The following IFI44L variants were observed in gnomAD, a reference collection of about 807,000 sequenced individuals.
IFI44L encodes the protein interferon induced protein 44 like.
Under a neutral mutation model 39.3 loss-of-function variants are expected in IFI44L, and 40 were observed. The ratio of observed to expected loss-of-function variants is 1.02; its 90% CI spans 0.79 to 1.33. The LOEUF (loss-of-function observed/expected upper bound fraction) is 1.33, where lower values mean the gene tolerates loss of function less well. IFI44L is among the 40% of genes most tolerant of loss of function. IFI44L has a pLI of 0.00. For synonymous variants in IFI44L, 198 were observed against 182.3 expected, an observed-to-expected ratio of 1.09 and a Z score of -0.69; for missense variants, 623 against 549.0, an observed-to-expected ratio of 1.13 and a Z score of -1.35.
Position 78,628,201 on chromosome 1 carries a change from A to G in IFI44L, c.286A>G (p.Ile96Val). Residue 96 changes from isoleucine (I) to valine (V), a missense_variant, in exon 2 of 9, where the codon ATA becomes GTA. Physicochemically the swap from Ile to Val is conservative, Grantham distance 29. Transcript: ENST00000370751. ...TCAAAAGAAAAATGACACCACTGAA[A>G]TAGAAACTTTACTCTTAAATACAGC... ...SLQKKNDTTEIETLLLNTAPK... is the reference protein window; with the variant it reads ...SLQKKNDTTEVETLLLNTAPK... The G allele has an allele frequency of 6.2e-7, 1 of 1,612,980 alleles. No homozygotes were observed. The highest frequency in any genetic ancestry group is 8.5e-7 in the Non-Finnish European group (1 of 1,179,516).
At position 78,637,098 on chromosome 1, in the gene IFI44L, A is replaced by G; in HGVS notation, c.943A>G (p.Arg315Gly). 1.9e-6 allele frequency: 3 copies of G among 1,611,752 alleles called. No homozygotes were observed. The highest frequency in any genetic ancestry group is 2.5e-6 in the Non-Finnish European group (3 of 1,178,146). Residue 315 changes from arginine (R) to glycine (G), a missense_variant, in exon 6 of 9, where the codon AGG becomes GGG. Coordinates refer to ENST00000370751, the MANE Select transcript of IFI44L (RefSeq NM_006820.4). ...TFITSPSLKD[R>G]IHCVAYVLDI... The stretch of plus-strand genomic sequence containing the variant: ...TATCACCTCTCCATCTCTGAAGGAC[A>G]GGATTCACTGTGTGGCTTATGTCTT...
chr1:78,628,537 C>T (rs776315513), intron 2 of IFI44L, 144 bp downstream of exon 2: 47 of 624,494 alleles, frequency 7.5e-5, no homozygotes, highest in African/African-American at 4.0e-4. Flanking sequence ...TGAAATGAAA[C>T]GTGGGGAACA....
rs1647020504 is a variant in IFI44L, at chr1:78,644,019, C to T, written c.*2210C>T. ...GTTCATTAGGATGGTTTCACAGTTA[C>T]CATACAAATGTAGAAGCAACAGGTC... On this transcript the variant is annotated 3_prime_UTR_variant, in exon 9 of 9. Transcript: ENST00000370751. 6.6e-6 allele frequency: 1 copy of T among 152,054 alleles called. No individual in the cohort carries two copies. Among genetic ancestry groups the T allele is most frequent in the Non-Finnish European group, 1.5e-5 (1 of 68,018 alleles). The allele number at this position is 152,054 out of a possible 1,614,324, so 9.4% of individuals were successfully genotyped here.
chr1:78,642,694 A>G lies in IFI44L; in HGVS notation c.*885A>G, dbSNP rs750480760. The G allele has an allele frequency of 5.3e-5, 8 of 152,190 alleles. No individual in the cohort carries two copies. Among genetic ancestry groups the G allele is most frequent in the Non-Finnish European group, 1.0e-4 (7 of 68,028 alleles). 9.4% of individuals were successfully genotyped at this position (152,190 alleles called of 1,614,324 possible). On this transcript the variant is annotated 3_prime_UTR_variant, in exon 9 of 9. Coordinates refer to ENST00000370751, the MANE Select transcript of IFI44L (RefSeq NM_006820.4). ...GTGTTTCATTTATATCTGAATGAAA[A>G]TATGAATGACTCTAAGTAATTGAAT...
At chr1:78,625,563 T>TTACAA in intron 1 of IFI44L, 1 of 152,112 alleles carries the variant, frequency 6.6e-6, no homozygotes, top group Admixed American at 6.5e-5. Context: ...CAAATTTTGT[T>TTACAA]AATCCTTTTG....
At position 78,641,758 on chromosome 1, in the gene IFI44L, G is replaced by GT. The variant is rs1160667913; in HGVS notation, c.1325-14dup. ...GGATATATGTTTCATTTCCACTCTT[G>GT]TTTGTTTCATTTTCAGGTGCAATTG... On this transcript the variant is annotated splice_polypyrimidine_tract_variant and intron_variant, in intron 8 of 8. Transcript: ENST00000370751. The GT allele has an allele frequency of 1.2e-6, 2 of 1,613,400 alleles. No homozygotes were observed. Among genetic ancestry groups the GT allele is most frequent in the African/African-American group, 2.7e-5 (2 of 74,856 alleles).
Position 78,635,333 on chromosome 1 carries a change from A to G in IFI44L, c.724-4A>G. The G allele has an allele frequency of 1.3e-6, 2 of 1,576,930 alleles. No individual in the cohort carries two copies. The highest frequency in any genetic ancestry group is 1.7e-6 in the Non-Finnish European group (2 of 1,151,234). On this transcript the variant is annotated splice_polypyrimidine_tract_variant and splice_region_variant and intron_variant, in intron 4 of 8. Transcript: ENST00000370751. Reference sequence around the variant, plus strand: ...CCTTTACACTTAATGTATTTTTTTAACAGTATAGGATATATTCTGTTAAAG... The same window carrying G: ...CCTTTACACTTAATGTATTTTTTTAGCAGTATAGGATATATTCTGTTAAAG...
chr1:78,628,504 A>G, intron 2 of IFI44L, 111 bp downstream of exon 2: 1 of 691,572 alleles, frequency 1.4e-6, no homozygotes, highest in Non-Finnish European at 2.5e-6. Context: ...AGTTAGATTC[A>G]TGCCATACTC....
chr1:78,622,238 A>C (rs555847316), intron 1 of IFI44L, among the ~76,000 whole-genome samples: 3 of 152,172 alleles, frequency 2.0e-5, no homozygotes, highest in Non-Finnish European at 4.4e-5. Context: ...AGTTCCGTCC[A>C]TGTTGCTGCA....
chr1:78,637,527 T>A (rs905019310), intron 6 of IFI44L, among the ~76,000 whole-genome samples: 3 of 152,092 alleles, frequency 2.0e-5, no homozygotes, highest in Admixed American at 2.0e-4. Flanking sequence ...GTGTTTATAG[T>A]TCTATGTCAT....
intron 6 of IFI44L, among the ~76,000 whole-genome samples, chr1:78,638,354 A>G (rs1449010331): frequency 2.6e-5 from 4 of 152,138 alleles, no homozygotes; most frequent in Middle Eastern, 3.4e-3. Context: ...TGTCAGATAC[A>G]TTGTTTGCGG....
Position 78,642,737 on chromosome 1 carries a change from CT to C in IFI44L, c.*936del, listed in dbSNP as rs766524800. On this transcript the variant is annotated 3_prime_UTR_variant, in exon 9 of 9. Transcript: ENST00000370751. ...AATTGAATTAATTAAAATGAGCCAA[CT>C]TTTTTTTAACAATTTACATTTTATT... is the stretch of plus-strand genomic sequence containing the variant. 1.3e-5 allele frequency: 2 copies of C among 151,890 alleles called. No individual in the cohort carries two copies. Among genetic ancestry groups the C allele is most frequent in the South Asian group, 2.1e-4 (1 of 4,822 alleles). The allele number at this position is 151,890 out of a possible 1,614,324, so 9.4% of individuals were successfully genotyped here.
chr1:78,629,665 A>G lies in IFI44L; in HGVS notation c.528-55A>G, dbSNP rs551926571. The G allele has an allele frequency of 1.3e-3, 1,700 of 1,326,312 alleles. 5 individuals are homozygous for G. The highest frequency in any genetic ancestry group is 7.0e-3 in the Middle Eastern group (37 of 5,302). The allele number at this position is 1,326,312 out of a possible 1,614,324, so 82.2% of individuals were successfully genotyped here. A position where few individuals can be genotyped will look rare whatever the true frequency, so the allele number is the denominator to read the frequency against. The stretch of plus-strand genomic sequence containing the variant: ...CTCTAGGTGACTTGAGATGTTCTTT[A>G]TGGTATTCTTTATTGGCTGTTCTGA... On this transcript the variant is annotated intron_variant, in intron 3 of 8. Coordinates refer to ENST00000370751, the MANE Select transcript of IFI44L (RefSeq NM_006820.4).
intron 1 of IFI44L, chr1:78,625,675 C>T (rs564592682): frequency 6.6e-6 from 1 of 151,828 alleles, no homozygotes; most frequent in African/African-American, 2.4e-5. Context: ...TTGTTGATTT[C>T]TTTCTACTTA....
intron 6 of IFI44L, among the ~76,000 whole-genome samples, chr1:78,638,399 A>G (rs1202937870): frequency 6.6e-6 from 1 of 152,114 alleles, no homozygotes; most frequent in Non-Finnish European, 1.5e-5. Flanking sequence ...TCTTACTATT[A>G]TGATGATTTC....
Position 78,635,280 on chromosome 1 carries a change from A to G in IFI44L, c.724-57A>G, listed in dbSNP as rs1257844919. 13 of 1,324,208 alleles carry G rather than the reference A, an allele frequency of 9.8e-6. No homozygotes were observed. The Admixed American group carries it at 2.5e-4, about 26-fold the overall frequency. 82.0% of individuals were successfully genotyped at this position (1,324,208 alleles called of 1,614,324 possible). ...ACCAATCTCTTTTCTTCTTATTGTCATGTCTTGAATGCTGGGTGATGAATG... is the reference window on the plus strand; with the variant it reads ...ACCAATCTCTTTTCTTCTTATTGTCGTGTCTTGAATGCTGGGTGATGAATG... On this transcript the variant is annotated intron_variant, in intron 4 of 8. Transcript: ENST00000370751.
chr1:78,641,226 T>C (rs921287815), intron 7 of IFI44L, 105 bp downstream of exon 7: 6 of 924,204 alleles, frequency 6.5e-6, no homozygotes, highest in Non-Finnish European at 1.0e-5. Flanking sequence ...CAGAGTGTAT[T>C]TGCAGGGAAA....
Position 78,635,453 on chromosome 1 carries a change from C to T in IFI44L, c.840C>T (p.Pro280=). ...EGAGLCMDDI[P]HILKGCMPDR... ...CAGGACTGTGCATGGATGACATTCCCCACATCTTAAAAGGTTGTATGCCAG... is the reference window on the plus strand; with the variant it reads ...CAGGACTGTGCATGGATGACATTCCTCACATCTTAAAAGGTTGTATGCCAG... The change falls in exon 5 of 9, where the codon CCC becomes CCT. Residue 280 remains proline, a synonymous_variant. Coordinates refer to ENST00000370751, the MANE Select transcript of IFI44L (RefSeq NM_006820.4). 6.2e-7 allele frequency: 1 copy of T among 1,613,394 alleles called. No individual in the cohort carries two copies. The highest frequency in any genetic ancestry group is 1.3e-5 in the African/African-American group (1 of 75,000).
chr1:78,641,289 A>T, intron 7 of IFI44L, 146 bp from the exon 8 acceptor site: 4 of 877,896 alleles, frequency 4.6e-6, no homozygotes, highest in Non-Finnish European at 3.5e-6. Flanking sequence ...ACACTTTAAA[A>T]CTGCAATGAT....
Sources: gnomAD v4.1 joint callset for allele counts (sites outside exome capture counted in the v4.1 genomes callset) on GRCh38, gnomAD v4.1.1 for gene constraint, MANE v1.5 for transcripts, NCBI Gene and HGNC (gene_info 2026-07-23, HGNC 2026-07-21) for gene names.